TMC5: variants seen among roughly 807,000 people sequenced by gnomAD.
The protein encoded by TMC5 is transmembrane channel like 5, also known as transmembrane channel-like protein 5.
TMC5 carries 86 observed loss-of-function variants against 110.5 expected under a neutral mutation model. The observed-to-expected ratio is 0.78, with a 90% CI of 0.65 to 0.93. TMC5 has a LOEUF of 0.93. TMC5 is among the 40% of genes least tolerant of loss of function. The pLI is 0.00. For synonymous variants in TMC5, 455 were observed against 439.5 expected, an observed-to-expected ratio of 1.04 and a Z score of -0.44; for missense variants, 1,144 against 1,222.8, an observed-to-expected ratio of 0.94 and a Z score of 0.96.
intron 1 of TMC5, among the ~76,000 whole-genome samples, chr16:19,429,600 G>A (rs746975243): frequency 2.0e-4 from 30 of 152,168 alleles, no homozygotes; most frequent in Non-Finnish European, 3.4e-4. Flanking sequence ...CCATGTGTGG[G>A]GGCCATCATC....
At chr16:19,470,637 C>A (rs1355528947) in intron 10 of TMC5, among the ~76,000 whole-genome samples, 1 of 143,308 alleles carries the variant, frequency 7.0e-6, no homozygotes, top group Non-Finnish European at 1.5e-5. Context: ...ATGCGTAGAA[C>A]AGCACCTGCA....
intron 15 of TMC5, among the ~76,000 whole-genome samples, chr16:19,481,934 A>T (rs1360105854): frequency 1.3e-5 from 2 of 152,176 alleles, no homozygotes; most frequent in East Asian, 3.8e-4. Flanking sequence ...CCACGTGGGG[A>T]CATGGAGAGA....
At chr16:19,494,198 C>T (rs1968990119) in intron 19 of TMC5, 64 bp from the exon 20 acceptor site, 2 of 1,343,660 alleles carry the variant, frequency 1.5e-6, no homozygotes, top group Non-Finnish European at 2.1e-6. Context: ...ATTGCTTTCT[C>T]AATTCCATAC....
intron 15 of TMC5, among the ~76,000 whole-genome samples, chr16:19,486,111 T>A (rs1968733455): frequency 6.6e-6 from 1 of 152,192 alleles, no homozygotes. Context: ...CCTAATTTGC[T>A]GGGATGGAAG....
chr16:19,438,340 C>T (rs1967392778), intron 2 of TMC5, among the ~76,000 whole-genome samples: 2 of 132,204 alleles, frequency 1.5e-5, no homozygotes, highest in South Asian at 5.3e-4. Flanking sequence ...CTGCAGTGAG[C>T]TATGATTGTA....
chr16:19,484,007 G>A (rs556428400), intron 15 of TMC5, among the ~76,000 whole-genome samples: 11 of 151,526 alleles, frequency 7.3e-5, no homozygotes, highest in South Asian at 2.1e-4. Context: ...ACTTGAACCC[G>A]GGAGGTGGAG....
chr16:19,481,197 T>C (rs1418513749), intron 14 of TMC5, among the ~76,000 whole-genome samples, 173 bp from the exon 15 acceptor site: 1 of 152,208 alleles, frequency 6.6e-6, no homozygotes, highest in African/African-American at 2.4e-5. Flanking sequence ...ATCCCTTCAA[T>C]TACTTCTTCA....
At chr16:19,465,126 TCCCTC>T (rs1968153797) in intron 8 of TMC5, among the ~76,000 whole-genome samples, 2 of 127,038 alleles carry the variant, frequency 1.6e-5, no homozygotes, top group Non-Finnish European at 3.3e-5. Flanking sequence ...CCTCCCTCCC[TCCCTC>T]CCTTCCTGGA....
intron 1 of TMC5, among the ~76,000 whole-genome samples, chr16:19,412,252 G>A (rs1966857460): frequency 6.7e-6 from 1 of 149,730 alleles, no homozygotes. Flanking sequence ...TTAAATTTTT[G>A]TAGAGATGGG....
intron 6 of TMC5, among the ~76,000 whole-genome samples, chr16:19,461,671 T>C (rs190948881): frequency 3.0e-4 from 46 of 152,332 alleles, no homozygotes; most frequent in Non-Finnish European, 4.4e-4. Flanking sequence ...AAGGGCTGTT[T>C]TAGCCTTCAG....
At chr16:19,473,268 C>T (rs1378051788) in intron 11 of TMC5, among the ~76,000 whole-genome samples, 6 of 145,092 alleles carry the variant, frequency 4.1e-5, no homozygotes, top group South Asian at 2.2e-4. Context: ...ATCACTTGAA[C>T]CTCGGAGGCA....
chr16:19,469,825 G>T lies in TMC5; in HGVS notation c.1782G>T (p.Arg594Ser). 1.2e-6 allele frequency: 2 copies of T among 1,613,890 alleles called. No individual in the cohort carries two copies. Among genetic ancestry groups the T allele is most frequent in the Non-Finnish European group, 1.7e-6 (2 of 1,179,886 alleles). The change falls in exon 10 of 22, where the codon AGG becomes AGT. Residue 594 changes from arginine to serine, a missense_variant and splice_region_variant. Arg to Ser is a moderately radical substitution (Grantham distance 110). Coordinates refer to ENST00000542583, the MANE Select transcript of TMC5 (RefSeq NM_001261841.2). Reference protein sequence around the residue: ...LKQKNLSTEIRENLSELRQEN... With the variant: ...LKQKNLSTEISENLSELRQEN... Reference sequence around the variant, plus strand: ...AGAAGAATCTTAGCACTGAGATAAGGGTAAGGCGAGCTCACTTTACTCATT... The same window carrying T: ...AGAAGAATCTTAGCACTGAGATAAGTGTAAGGCGAGCTCACTTTACTCATT...
At chr16:19,491,212 G>A (rs918576905) in intron 18 of TMC5, among the ~76,000 whole-genome samples, 1 of 152,104 alleles carries the variant, frequency 6.6e-6, no homozygotes, top group African/African-American at 2.4e-5. Flanking sequence ...GTCTCCCTGT[G>A]TTGCCCAGGC....
intron 9 of TMC5, 50 bp from the exon 10 acceptor site, chr16:19,469,631 C>G (rs1263513157): frequency 6.2e-7 from 1 of 1,608,952 alleles, no homozygotes; most frequent in South Asian, 1.1e-5. Flanking sequence ...CCTGCACTCC[C>G]AGTGACGGCC....
upstream of TMC5, among the ~76,000 whole-genome samples, chr16:19,415,828 A>G (rs374765010): frequency 6.6e-6 from 1 of 152,260 alleles, no homozygotes; most frequent in African/African-American, 2.4e-5. Flanking sequence ...GGTCTCTTCC[A>G]CAGGAGAAAA....
intron 6 of TMC5, chr16:19,462,382 G>T (rs1005385483): frequency 1.7e-6 from 1 of 576,308 alleles, no homozygotes; most frequent in Admixed American, 2.7e-5. Flanking sequence ...ATTGTGTGGG[G>T]GCAAAATCCC....
chr16:19,489,620 C>G (rs1968835700), intron 17 of TMC5, among the ~76,000 whole-genome samples: 1 of 151,130 alleles, frequency 6.6e-6, no homozygotes, highest in African/African-American at 2.4e-5. Context: ...AGGCATGAGC[C>G]ACCGCGCCTG....
chr16:19,435,075 A>G (rs752828966), intron 2 of TMC5, among the ~76,000 whole-genome samples: 2 of 152,210 alleles, frequency 1.3e-5, no homozygotes, highest in East Asian at 3.8e-4. Flanking sequence ...TGATTTATGT[A>G]TAAGAAAATT....
intron 16 of TMC5, 22 bp from the exon 17 acceptor site, chr16:19,487,171 G>A (rs1968765031): frequency 6.2e-7 from 1 of 1,606,804 alleles, no homozygotes; most frequent in South Asian, 1.1e-5. Context: ...CAGATGGGAG[G>A]TGGCTGCCTC....
Sources: allele counts gnomAD v4.1 joint callset (sites outside exome capture counted in the v4.1 genomes callset), GRCh38; gene constraint gnomAD v4.1.1; transcripts MANE v1.5; gene names NCBI Gene and HGNC (gene_info 2026-07-23, HGNC 2026-07-21).